Variants in CYP7B1 observed in about 807,000 individuals in gnomAD.
CYP7B1 encodes the protein cytochrome P450 family 7 subfamily B member 1.
Under a neutral mutation model 42.7 loss-of-function variants are expected in CYP7B1, and 29 were observed. The ratio of observed to expected loss-of-function variants is 0.68; its 90% CI spans 0.51 to 0.93. The LOEUF (loss-of-function observed/expected upper bound fraction) is 0.93. CYP7B1 is among the 40% of genes least tolerant of loss of function. CYP7B1 has a pLI of 0.00. For synonymous variants in CYP7B1, 235 were observed against 218.2 expected, an observed-to-expected ratio of 1.08 and a Z score of -0.68; for missense variants, 655 against 600.5, an observed-to-expected ratio of 1.09 and a Z score of -0.95.
intron 1 of CYP7B1, among the ~76,000 whole-genome samples, chr8:64,733,694 T>C (rs1256915978): frequency 6.6e-6 from 1 of 152,164 alleles, no homozygotes; most frequent in Non-Finnish European, 1.5e-5. Context: ...ACTTCTGCCA[T>C]GTGCTATGAC....
At chr8:64,685,203 G>A (rs1180978328) in intron 1 of CYP7B1, among the ~76,000 whole-genome samples, 1 of 151,180 alleles carries the variant, frequency 6.6e-6, no homozygotes, top group East Asian at 2.0e-4. Context: ...GAGCGGACGG[G>A]CCCCGCGGGG....
At chr8:64,686,967 AAGT>A (rs1464010667) in intron 1 of CYP7B1, among the ~76,000 whole-genome samples, 1 of 128,644 alleles carries the variant, frequency 7.8e-6, no homozygotes, top group Non-Finnish European at 1.6e-5. Context: ...CCCTAATCTC[AAGT>A]AATCAGGGAC....
intron 1 of CYP7B1, among the ~76,000 whole-genome samples, chr8:64,704,486 A>G (rs1010862649): frequency 4.6e-5 from 7 of 152,230 alleles, no homozygotes; most frequent in African/African-American, 1.4e-4. Context: ...TAAAAATATA[A>G]TATGTATCAG....
chr8:64,791,757 A>G (rs1804622228), intron 1 of CYP7B1, among the ~76,000 whole-genome samples: 1 of 152,208 alleles, frequency 6.6e-6, no homozygotes, highest in South Asian at 2.1e-4. Flanking sequence ...ACTAATATAG[A>G]TTTGTGGTAC....
chr8:64,704,364 T>C (rs914174911), intron 1 of CYP7B1, among the ~76,000 whole-genome samples: 3 of 152,082 alleles, frequency 2.0e-5, no homozygotes, highest in Non-Finnish European at 4.4e-5. Flanking sequence ...TGTCTATAAA[T>C]TCCACAGATA....
At chr8:64,766,085 G>C (rs1432711821) in intron 1 of CYP7B1, among the ~76,000 whole-genome samples, 1 of 152,142 alleles carries the variant, frequency 6.6e-6, no homozygotes. Flanking sequence ...AGAGGAAAAA[G>C]AACAATTCCC....
At chr8:64,742,338 A>G (rs2129633299) in intron 1 of CYP7B1, among the ~76,000 whole-genome samples, 1 of 152,226 alleles carries the variant, frequency 6.6e-6, no homozygotes, top group South Asian at 2.1e-4. Flanking sequence ...TTGGCCTCCT[A>G]TTTTTATATT....
At chr8:64,670,464 T>C (rs1287498793) in intron 1 of CYP7B1, among the ~76,000 whole-genome samples, 1 of 152,126 alleles carries the variant, frequency 6.6e-6, no homozygotes, top group African/African-American at 2.4e-5. Flanking sequence ...CCAAACTAAT[T>C]AATAAAATGA....
At chr8:64,614,006 A>G (rs1805398118) in intron 4 of CYP7B1, among the ~76,000 whole-genome samples, 1 of 152,186 alleles carries the variant, frequency 6.6e-6, no homozygotes, top group African/African-American at 2.4e-5. Context: ...TGTCAAAGGA[A>G]TAAAGAAACA....
chr8:64,677,027 C>T (rs1332240322), intron 1 of CYP7B1, among the ~76,000 whole-genome samples: 1 of 151,968 alleles, frequency 6.6e-6, no homozygotes, highest in African/African-American at 2.4e-5. Flanking sequence ...TAAAAGGCAA[C>T]ACATTATGAT....
In CYP7B1 at chr8:64,615,360, T is replaced by C. The variant is rs555239963; in HGVS notation, c.851-128A>G. On this transcript the variant is annotated intron_variant, in intron 3 of 5. Coordinates refer to ENST00000310193, the MANE Select transcript of CYP7B1 (RefSeq NM_004820.5). ...ATCAGTGCATGCTAATGAGAACCAA[T>C]AGGCTTCTGAAGTCTAATTTTCTGC... 3.7e-4 allele frequency: 366 copies of C among 977,232 alleles called. No individual in the cohort carries two copies. The African/African-American group carries it at 5.4e-3, about 14-fold the overall frequency. 60.5% of individuals were successfully genotyped at this position (977,232 alleles called of 1,614,324 possible). A position where few individuals can be genotyped will look rare whatever the true frequency, so the allele number is the denominator to read the frequency against.
In CYP7B1 at chr8:64,596,494, G is replaced by A; in HGVS notation, c.*148C>T. 1.3e-6 allele frequency: 1 copy of A among 798,976 alleles called. No individual in the cohort carries two copies. Among genetic ancestry groups the A allele is most frequent in the Non-Finnish European group, 1.9e-6 (1 of 520,584 alleles). 49.5% of individuals were successfully genotyped at this position (798,976 alleles called of 1,614,324 possible). On this transcript the variant is annotated 3_prime_UTR_variant, in exon 6 of 6. Transcript: ENST00000310193. ...TATTATGATGGGCTTTGTGACTAAG[G>A]ACAAACTGGACTGATATCAGATCAA...
At chr8:64,640,187 G>A (rs916210053) in intron 1 of CYP7B1, among the ~76,000 whole-genome samples, 1 of 152,110 alleles carries the variant, frequency 6.6e-6, no homozygotes, top group East Asian at 1.9e-4. Context: ...TTTGGGTGCT[G>A]ATGGAAGTGT....
At chr8:64,724,299 ACCACGCC>A (rs1327882085) in intron 1 of CYP7B1, among the ~76,000 whole-genome samples, 3 of 152,128 alleles carry the variant, frequency 2.0e-5, no homozygotes, top group African/African-American at 7.2e-5. Flanking sequence ...GGCATGTGCC[ACCACGCC>A]CAGCTAATTT....
intron 1 of CYP7B1, among the ~76,000 whole-genome samples, chr8:64,795,228 A>C (rs2129735048): frequency 6.6e-6 from 1 of 152,336 alleles, no homozygotes; most frequent in East Asian, 1.9e-4. Context: ...ATACGCAAAA[A>C]AGGATACTGT....
chr8:64,747,547 G>T (rs1394923861), intron 1 of CYP7B1, among the ~76,000 whole-genome samples: 1 of 151,622 alleles, frequency 6.6e-6, no homozygotes, highest in African/African-American at 2.4e-5. Context: ...AAATGCTATT[G>T]AAAAAACCAT....
intron 1 of CYP7B1, among the ~76,000 whole-genome samples, chr8:64,791,928 G>C (rs2129724198): frequency 6.6e-6 from 1 of 152,304 alleles, no homozygotes; most frequent in South Asian, 2.1e-4. Flanking sequence ...CCCCCTTGGT[G>C]AGAGGTCAGA....
intron 1 of CYP7B1, among the ~76,000 whole-genome samples, chr8:64,733,894 C>T (rs759773995): frequency 1.3e-5 from 2 of 152,006 alleles, no homozygotes; most frequent in Non-Finnish European, 2.9e-5. Flanking sequence ...TGCTTGAGCC[C>T]AGGAGTTTGA....
intron 1 of CYP7B1, among the ~76,000 whole-genome samples, chr8:64,735,312 G>A (rs1807470805): frequency 6.6e-6 from 1 of 152,146 alleles, no homozygotes; most frequent in Admixed American, 6.5e-5. Context: ...ACAGGAGAGG[G>A]TCAAAAACAG....
Sources: allele counts gnomAD v4.1 joint callset (sites outside exome capture counted in the v4.1 genomes callset), GRCh38; gene constraint gnomAD v4.1.1; transcripts MANE v1.5; gene names NCBI Gene and HGNC (gene_info 2026-07-23, HGNC 2026-07-21).